Variants in MN1 observed in about 807,000 individuals in gnomAD.
MN1 encodes transcriptional activator MN1.
Under a neutral mutation model 86.9 loss-of-function variants are expected in MN1, and 19 were observed. That is an observed-to-expected ratio of 0.22 (90% CI 0.15 to 0.32). MN1 has a LOEUF of 0.32. Ranked by LOEUF, MN1 falls within the 10% of genes least tolerant of loss-of-function variation. The probability of loss-of-function intolerance (pLI) is 1.00; values close to 1 mark genes in which losing one functional copy is unlikely to be tolerated. For missense variants in MN1, 1,841 were observed against 1,862.0 expected (o/e 0.99, Z 0.21); for synonymous variants, 928 against 849.6 (o/e 1.09, Z -1.60).
intron 1 of MN1, among the ~76,000 whole-genome samples, chr22:27,782,259 G>A (rs963921546): frequency 5.9e-5 from 9 of 152,196 alleles, no homozygotes; most frequent in Non-Finnish European, 1.0e-4. Flanking sequence ...TCCCTTCCCC[G>A]GCCCCACACC....
intron 1 of MN1, among the ~76,000 whole-genome samples, chr22:27,777,299 G>A (rs914703203): frequency 4.6e-5 from 7 of 152,226 alleles, no homozygotes; most frequent in African/African-American, 9.6e-5. Context: ...TTGGGAGGCT[G>A]AGGAGGGAGG....
rs1391823974 is a variant in MN1 at position 27,798,403 on chromosome 22, G to A, written c.2141C>T (p.Ser714Leu). ...GSLGGLGQLQ[S>L]PGAGVGLPSA... ...GGGGAGCCCCACGCCCGCCCCGGGC[G>A]ACTGCAGCTGACCCAGGCCTCCCAG... The change falls in exon 1 of 2, where the codon TCG becomes TTG. Residue 714 changes from serine to leucine, a missense_variant. Ser to Leu is a moderately radical substitution (Grantham distance 145). Coordinates refer to ENST00000302326, the MANE Select transcript of MN1 (RefSeq NM_002430.3). The A allele has an allele frequency of 1.3e-6, 2 of 1,521,604 alleles. No homozygotes were observed. The highest frequency in any genetic ancestry group is 4.1e-5 in the Admixed American group (2 of 48,796). 94.3% of individuals were successfully genotyped at this position (1,521,604 alleles called of 1,614,324 possible).
intron 1 of MN1, among the ~76,000 whole-genome samples, chr22:27,774,088 G>A (rs1002244619): frequency 1.3e-5 from 2 of 152,146 alleles, no homozygotes; most frequent in Non-Finnish European, 2.9e-5. Context: ...CCTCCCGTGT[G>A]CCCAGATTCC....
At chr22:27,791,840 GAA>G (rs1445689262) in intron 1 of MN1, 1 of 152,210 alleles carries the variant, frequency 6.6e-6, no homozygotes, top group African/African-American at 2.4e-5. Context: ...CAGGTGGAGA[GAA>G]ACGGGTCACA....
At chr22:27,772,468 T>G (rs1263505211) in intron 1 of MN1, among the ~76,000 whole-genome samples, 1 of 152,134 alleles carries the variant, frequency 6.6e-6, no homozygotes, top group Non-Finnish European at 1.5e-5. Flanking sequence ...AGGCAACAAG[T>G]GTGACGAAGT....
rs1367382058 is a variant in MN1 at position 27,799,719 on chromosome 22, G to A, written c.825C>T (p.Ala275=). The A allele has an allele frequency of 6.4e-7, 1 of 1,570,656 alleles. No individual in the cohort carries two copies. The highest frequency in any genetic ancestry group is 1.4e-5 in the African/African-American group (1 of 74,064). Residue 275 remains alanine, a synonymous_variant, in exon 1 of 2, where the codon GCC becomes GCT. Coordinates refer to ENST00000302326, the MANE Select transcript of MN1 (RefSeq NM_002430.3). ...CCACCATGCCCGCAGCTCTGGGCAT[G>A]GCCGAGGCGCCCGGGAAAGCGCCCC... ...VPGGAFPGAS[A]MPRAAGMVGL...
In MN1 at chr22:27,799,636, G is replaced by A. The variant is rs1568985899; in HGVS notation, c.908C>T (p.Pro303Leu). ...ACCATGCTGCTGCTGCTGCTGCTGG[G>A]GCTGCTGCTGCTGCTGGGGCTGCTG... ...PQQQPQQQQQPQQQQQQHGVF... is the reference protein window; with the variant it reads ...PQQQPQQQQQLQQQQQQHGVF... Residue 303 changes from proline (P) to leucine (L), a missense_variant, in exon 1 of 2, where the codon CCC becomes CTC. Physicochemically the swap from Pro to Leu is moderately conservative, Grantham distance 98. Coordinates refer to ENST00000302326, the MANE Select transcript of MN1 (RefSeq NM_002430.3). 6 of 1,544,698 alleles carry A rather than the reference G, an allele frequency of 3.9e-6. No homozygotes were observed. The highest frequency in any genetic ancestry group is 5.2e-6 in the Non-Finnish European group (6 of 1,143,892).
chr22:27,757,279 C>A (rs1932807343), intron 1 of MN1, among the ~76,000 whole-genome samples: 2 of 152,172 alleles, frequency 1.3e-5, no homozygotes, highest in Admixed American at 1.3e-4. Flanking sequence ...AAGTGATCTG[C>A]CCACCTTGGC....
intron 1 of MN1, among the ~76,000 whole-genome samples, chr22:27,772,118 C>A (rs773339137): frequency 1.3e-5 from 2 of 152,214 alleles, no homozygotes; most frequent in African/African-American, 4.8e-5. Context: ...CCCTAGTCCT[C>A]CCTGTCTTGG....
In MN1 at chr22:27,800,322, G is replaced by A; in HGVS notation, c.222C>T (p.Gly74=). The change falls in exon 1 of 2, where the codon GGC becomes GGT. Residue 74 remains glycine (G), a synonymous_variant. Transcript: ENST00000302326. ...NMEPYGFHAR[G]HSELHAGGLQ... Reference sequence around the variant, plus strand: ...GCCCCCCTGCGTGCAACTCCGAGTGGCCGCGCGCGTGGAAGCCGTAGGGCT... The same window carrying A: ...GCCCCCCTGCGTGCAACTCCGAGTGACCGCGCGCGTGGAAGCCGTAGGGCT... 1 of 1,581,566 alleles carries A rather than the reference G, an allele frequency of 6.3e-7. No homozygotes were observed. Among genetic ancestry groups the A allele is most frequent in the Admixed American group, 1.8e-5 (1 of 56,784 alleles).
chr22:27,793,147 G>T (rs1480775726), intron 1 of MN1, among the ~76,000 whole-genome samples: 1 of 152,196 alleles, frequency 6.6e-6, no homozygotes, highest in Non-Finnish European at 1.5e-5. Flanking sequence ...TTTCAAGATA[G>T]AGCTACCAGG....
At chr22:27,765,164 C>G (rs937289733) in intron 1 of MN1, among the ~76,000 whole-genome samples, 2 of 152,166 alleles carry the variant, frequency 1.3e-5, no homozygotes, top group Non-Finnish European at 2.9e-5. Context: ...GACCCTTGAA[C>G]CTGAGGCTCA....
In MN1 at chr22:27,798,477, C is replaced by A; in HGVS notation, c.2067G>T (p.Glu689Asp). Residue 689 changes from glutamate (E) to aspartate (D), a missense_variant, in exon 1 of 2, where the codon GAG becomes GAT. By Grantham distance (45) the Glu-to-Asp change is conservative. Transcript: ENST00000302326. Reference sequence around the variant, plus strand: ...GTGAAGGCAGCGCGGGCACGTGGCCCTCTCCGGGCATCCTCATCGGCTCCT... The same window carrying A: ...GTGAAGGCAGCGCGGGCACGTGGCCATCTCCGGGCATCCTCATCGGCTCCT... ...PLQEPMRMPGEGHVPALPSPG... is the reference protein window; with the variant it reads ...PLQEPMRMPGDGHVPALPSPG... 6.4e-7 allele frequency: 1 copy of A among 1,562,772 alleles called. No individual in the cohort carries two copies. Among genetic ancestry groups the A allele is most frequent in the Non-Finnish European group, 8.6e-7 (1 of 1,164,178 alleles).
intron 1 of MN1, among the ~76,000 whole-genome samples, chr22:27,763,801 C>T (rs1932850157): frequency 6.6e-6 from 1 of 152,186 alleles, no homozygotes; most frequent in Non-Finnish European, 1.5e-5. Context: ...GAGAGATATT[C>T]CGGTAAACAT....
Position 27,797,896 on chromosome 22 carries a change from G to T in MN1, c.2648C>A (p.Thr883Asn). The part of the protein sequence containing the change: ...NPGSDYFPGG[T>N]APGAPGPGGP... Reference sequence around the variant, plus strand: ...TCCGGGTCCTGGGGCCCCAGGAGCAGTCCCTCCTGGGAAGTAATCCGAGCC... The same window carrying T: ...TCCGGGTCCTGGGGCCCCAGGAGCATTCCCTCCTGGGAAGTAATCCGAGCC... Residue 883 changes from threonine (T) to asparagine (N), a missense_variant, in exon 1 of 2, where the codon ACT becomes AAT. Physicochemically the swap from Thr to Asn is moderately conservative, Grantham distance 65. Coordinates refer to ENST00000302326, the MANE Select transcript of MN1 (RefSeq NM_002430.3). 6.3e-7 allele frequency: 1 copy of T among 1,599,008 alleles called. No individual in the cohort carries two copies. The highest frequency in any genetic ancestry group is 8.5e-7 in the Non-Finnish European group (1 of 1,172,866).
chr22:27,757,682 G>C (rs1233761581), intron 1 of MN1, among the ~76,000 whole-genome samples: 1 of 152,114 alleles, frequency 6.6e-6, no homozygotes, highest in Admixed American at 6.5e-5. Context: ...CTGGGGGGCT[G>C]GGCGACTGGG....
rs530292649 is a variant in MN1, at chr22:27,748,665, C to G, written c.*2250G>C. The stretch of plus-strand genomic sequence containing the variant: ...CATTAAACCAAATTTAATGAAATAA[C>G]ATCCTTTTGCTTAAGGCTATTTTTA... On this transcript the variant is annotated 3_prime_UTR_variant, in exon 2 of 2. Transcript: ENST00000302326. 8.4e-5 allele frequency: 18 copies of G among 213,032 alleles called. No homozygotes were observed. The South Asian group carries it at 3.0e-3, about 35-fold the overall frequency. The allele number at this position is 213,032 out of a possible 1,614,324, so 13.2% of individuals were successfully genotyped here. A position where few individuals can be genotyped will look rare whatever the true frequency, so the allele number is the denominator to read the frequency against.
chr22:27,782,871 T>A (rs2146307699), intron 1 of MN1, among the ~76,000 whole-genome samples: 1 of 152,278 alleles, frequency 6.6e-6, no homozygotes, highest in African/African-American at 2.4e-5. Flanking sequence ...TTCTGTGAGG[T>A]ACACACTTTT....
intron 1 of MN1, among the ~76,000 whole-genome samples, chr22:27,768,194 G>A (rs1001834647): frequency 1.3e-5 from 2 of 152,086 alleles, no homozygotes; most frequent in Non-Finnish European, 2.9e-5. Flanking sequence ...TTGGCCCACC[G>A]ACTCTGCATC....
Sources: gnomAD v4.1 joint callset for allele counts (sites outside exome capture counted in the v4.1 genomes callset) on GRCh38, gnomAD v4.1.1 for gene constraint, MANE v1.5 for transcripts, NCBI Gene and HGNC (gene_info 2026-07-23, HGNC 2026-07-21) for gene names.